The following MAF variants were observed in gnomAD, a reference collection of about 807,000 sequenced individuals.
The protein encoded by MAF is transcription factor Maf.
Under a neutral mutation model 22.0 loss-of-function variants are expected in MAF, and 10 were observed. The observed-to-expected ratio is 0.45, with a 90% confidence interval of 0.28 to 0.77. MAF has a LOEUF of 0.77. Among genes scored for constraint, MAF ranks in the 30% least tolerant of loss-of-function variants. The pLI, the probability that MAF is intolerant of heterozygous loss-of-function variation, is 0.12. For missense variants in MAF, 544 were observed against 548.4 expected (o/e 0.99, Z 0.08); for synonymous variants, 337 against 255.8 (o/e 1.32, Z -3.03).
chr16:79,262,667 A>T, the MAF span, among the ~76,000 whole-genome samples: 1 of 152,162 alleles, frequency 6.6e-6, no homozygotes, highest in East Asian at 1.9e-4. Flanking sequence ...TTACAGTCTT[A>T]CAGTTCCTTC....
At chr16:79,447,891 C>CAAAAAAAAAAAAAAAAAAAAA in the MAF span, among the ~76,000 whole-genome samples, 7 of 72,568 alleles carry the variant, frequency 9.6e-5, no homozygotes, top group African/African-American at 3.8e-4. Context: ...GATTCCATCT[C>CAAAAAAAAAAAAAAAAAAAAA]AAAAAAAAAA....
chr16:79,418,971 A>G, the MAF span, among the ~76,000 whole-genome samples: 4 of 152,198 alleles, frequency 2.6e-5, no homozygotes, highest in Non-Finnish European at 5.9e-5. Flanking sequence ...TTTGATTAAA[A>G]TGGGCTACTC....
At chr16:79,592,610 ATCT>A, downstream of MAF, among the ~76,000 whole-genome samples, 1 of 152,348 alleles carries the variant, frequency 6.6e-6, no homozygotes, top group East Asian at 1.9e-4. Context: ...GACCTGGGAC[ATCT>A]TCTTTTAGAT....
intron 1 of MAF, chr16:79,595,251 C>G: frequency 9.6e-7 from 1 of 1,045,348 alleles, no homozygotes; most frequent in Non-Finnish European, 1.2e-6. Flanking sequence ...CCTGTCTAAA[C>G]TAGCACATAA....
chr16:79,339,533 C>A, the MAF span, among the ~76,000 whole-genome samples: 4 of 152,168 alleles, frequency 2.6e-5, no homozygotes. Context: ...CCTGATCAGA[C>A]TCTTAGGGGA....
the MAF span, among the ~76,000 whole-genome samples, chr16:79,340,785 G>C: frequency 6.6e-6 from 1 of 152,088 alleles, no homozygotes; most frequent in Non-Finnish European, 1.5e-5. Flanking sequence ...GACTAAAAAT[G>C]TCTTCAGGCA....
chr16:79,479,841 T>C, the MAF span, among the ~76,000 whole-genome samples: 112 of 152,298 alleles, frequency 7.4e-4, 1 homozygote, highest in African/African-American at 2.0e-3. Flanking sequence ...GGTGGTTCAA[T>C]AAATTGTCAC....
At chr16:79,565,916 T>G in the MAF span, among the ~76,000 whole-genome samples, 9 of 152,308 alleles carry the variant, frequency 5.9e-5, no homozygotes, top group East Asian at 1.7e-3. Context: ...AGACAGTCTC[T>G]TGCTTCAAGT....
At chr16:79,282,771 T>C in the MAF span, among the ~76,000 whole-genome samples, 1 of 152,212 alleles carries the variant, frequency 6.6e-6, no homozygotes, top group Non-Finnish European at 1.5e-5. Flanking sequence ...ATCTGGGGGT[T>C]TAATATTCTC....
the MAF span, among the ~76,000 whole-genome samples, chr16:79,533,703 C>T: frequency 2.0e-5 from 3 of 152,100 alleles, no homozygotes; most frequent in Non-Finnish European, 2.9e-5. Context: ...CCTGACTTCC[C>T]GTCACCTTTA....
chr16:79,277,439 A>C, the MAF span, among the ~76,000 whole-genome samples: 1 of 152,220 alleles, frequency 6.6e-6, no homozygotes, highest in African/African-American at 2.4e-5. Context: ...GAATTGCTGC[A>C]TCTGTAGGCT....
the MAF span, among the ~76,000 whole-genome samples, chr16:79,210,548 C>T: frequency 4.6e-5 from 7 of 152,238 alleles, no homozygotes; most frequent in East Asian, 1.9e-4. Context: ...TTACCTTTTC[C>T]GGTCCTCTCT....
chr16:79,373,359 C>CTTTTT, the MAF span, among the ~76,000 whole-genome samples: 125 of 33,326 alleles, frequency 3.8e-3, 54 homozygotes, highest in Non-Finnish European at 6.3e-3. Flanking sequence ...GGACTGGTAG[C>CTTTTT]TTTTTTTTTT....
chr16:79,277,943 C>A, the MAF span, among the ~76,000 whole-genome samples: 1 of 152,118 alleles, frequency 6.6e-6, no homozygotes, highest in Non-Finnish European at 1.5e-5. Flanking sequence ...TGGGGCACAT[C>A]TGTTAAGAAT....
the MAF span, among the ~76,000 whole-genome samples, chr16:79,351,058 G>C: frequency 3.4e-3 from 523 of 152,218 alleles, 1 homozygote; most frequent in Non-Finnish European, 6.3e-3. Context: ...CCTGATCCTT[G>C]CTCTGCCTCT....
chr16:79,224,114 A>C, the MAF span, among the ~76,000 whole-genome samples: 4,321 of 152,274 alleles, frequency 0.028, 112 homozygotes, highest in Middle Eastern at 0.085. Flanking sequence ...ATCCTCAATA[A>C]AATACTGGCA....
the MAF span, among the ~76,000 whole-genome samples, chr16:79,577,153 C>G: frequency 1.3e-5 from 2 of 152,090 alleles, no homozygotes; most frequent in African/African-American, 4.8e-5. Flanking sequence ...TTTTCAGAGC[C>G]GGAGGGGTCT....
At chr16:79,206,558 T>C in the MAF span, 1 of 152,206 alleles carries the variant, frequency 6.6e-6, no homozygotes, top group Non-Finnish European at 1.5e-5. Context: ...TCGTAACCTC[T>C]CAATAAATGC....
chr16:79,571,779 G>A, the MAF span, among the ~76,000 whole-genome samples: 2 of 152,012 alleles, frequency 1.3e-5, no homozygotes, highest in South Asian at 4.2e-4. Context: ...TCACGAAGGA[G>A]CTCCAACTGG....
Sources: gnomAD v4.1 joint callset for allele counts (sites outside exome capture counted in the v4.1 genomes callset) on GRCh38, gnomAD v4.1.1 for gene constraint, MANE v1.5 for transcripts, NCBI Gene and HGNC (gene_info 2026-07-23, HGNC 2026-07-21) for gene names.